The following FOCAD variants were observed in gnomAD, a reference collection of about 807,000 sequenced individuals.
FOCAD encodes the protein KIAA1797.
Under a neutral mutation model 225.6 loss-of-function variants are expected in FOCAD, and 198 were observed. That is an observed-to-expected ratio of 0.88 (90% CI 0.78 to 0.99). The LOEUF (loss-of-function observed/expected upper bound fraction) is 0.99. Among genes scored for constraint, FOCAD ranks in the 50% least tolerant of loss-of-function variants. The probability of loss-of-function intolerance (pLI) is 0.00; values close to 1 mark genes in which losing one functional copy is unlikely to be tolerated. For synonymous variants in FOCAD, 897 were observed against 755.0 expected, an observed-to-expected ratio of 1.19 and a Z score of -3.08; for missense variants, 2,713 against 2,123.6, an observed-to-expected ratio of 1.28 and a Z score of -5.46.
At chr9:20,840,968 G>T (rs543387998) in intron 15 of FOCAD, among the ~76,000 whole-genome samples, 3 of 151,886 alleles carry the variant, frequency 2.0e-5, no homozygotes, top group Non-Finnish European at 4.4e-5. Flanking sequence ...TACTTTTCCA[G>T]CATCAACTGA....
chr9:20,944,738 AG>A lies in FOCAD; in HGVS notation c.3520del (p.Asp1174MetfsTer40). 3.1e-6 allele frequency: 5 copies of A among 1,613,994 alleles called. No individual in the cohort carries two copies. The highest frequency in any genetic ancestry group is 1.3e-5 in the African/African-American group (1 of 75,070). On this transcript the variant is annotated frameshift_variant, in exon 29 of 44. Coordinates refer to ENST00000338382, the MANE Select transcript of FOCAD (RefSeq NM_001375567.1). LOFTEE classifies it high-confidence loss of function. ...TGCTCCGGAAGCTGTCTGCGCACGT[AG>A]ATGACAGCGGGAGCCAGAGCAGAAC... is the stretch of plus-strand genomic sequence containing the variant. ...ALLRKLSAHV[D>X]DSGSQSRTFQ...
intron 7 of FOCAD, among the ~76,000 whole-genome samples, chr9:20,769,718 C>G (rs766731036): frequency 6.6e-6 from 1 of 152,164 alleles, no homozygotes; most frequent in Non-Finnish European, 1.5e-5. Context: ...CTTAATTTCC[C>G]TCAACATGTT....
At chr9:20,813,117 T>C (rs571440116) in intron 11 of FOCAD, among the ~76,000 whole-genome samples, 280 of 152,270 alleles carry the variant, frequency 1.8e-3, no homozygotes, top group Non-Finnish European at 3.2e-3. Context: ...AATAATGCAG[T>C]ATTCGTCCTT....
chr9:20,690,749 A>G (rs1476897024), intron 1 of FOCAD, among the ~76,000 whole-genome samples: 1 of 151,880 alleles, frequency 6.6e-6, no homozygotes, highest in Non-Finnish European at 1.5e-5. Flanking sequence ...GGGTCTTACC[A>G]TGTTGCTCAG....
intron 7 of FOCAD, among the ~76,000 whole-genome samples, chr9:20,766,355 G>A (rs1332033169): frequency 6.6e-6 from 1 of 152,096 alleles, no homozygotes; most frequent in African/African-American, 2.4e-5. Flanking sequence ...AGCGTGTGAG[G>A]GTTGGACGTG....
At chr9:20,918,203 C>T (rs2132097262) in intron 24 of FOCAD, among the ~76,000 whole-genome samples, 1 of 152,324 alleles carries the variant, frequency 6.6e-6, no homozygotes, top group Middle Eastern at 3.4e-3. Flanking sequence ...AGTGCTCTGA[C>T]ATTTGCTGCA....
At chr9:20,714,659 C>A (rs1403970473) in intron 1 of FOCAD, among the ~76,000 whole-genome samples, 2 of 143,992 alleles carry the variant, frequency 1.4e-5, no homozygotes, top group African/African-American at 5.6e-5. Flanking sequence ...TTCCTTCCTT[C>A]CTTCCTTCCT....
chr9:20,662,007 C>T (rs1437591034), intron 2 of FOCAD, among the ~76,000 whole-genome samples: 1 of 152,122 alleles, frequency 6.6e-6, no homozygotes, highest in African/African-American at 2.4e-5. Flanking sequence ...GTAGAGTATG[C>T]ACCTTTTGTC....
In FOCAD at chr9:20,894,813, G is replaced by A. The variant is rs370437839; in HGVS notation, c.2625+9583G>A. ...TCTTGACAGTGCCTTTTGTAGATCA[G>A]AAGATTTTTATTTTAATGAAGTCCA... On this transcript the variant is annotated intron_variant, in intron 21 of 43. Coordinates refer to ENST00000338382, the MANE Select transcript of FOCAD (RefSeq NM_001375567.1). Among the ~76,000 whole-genome samples, 4 of 152,076 alleles carry A rather than the reference G, an allele frequency of 2.6e-5. No homozygotes were observed. In the East Asian group the frequency reaches 7.7e-4, roughly 29 times the overall value.
chr9:20,715,368 C>A lies in FOCAD; in HGVS notation c.15C>A (p.Ile5=). Reference sequence around the variant, plus strand: ...GAGAAGCAAAAATGTCAGATGATATCAGGAAAAGGTTTGAATTTCCAAATT... The same window carrying A: ...GAGAAGCAAAAATGTCAGATGATATAAGGAAAAGGTTTGAATTTCCAAATT... MSDD[I]RKRFEFPNSL... is the part of the protein sequence containing the mutation. Residue 5 remains isoleucine, a synonymous_variant, in exon 2 of 44, where the codon ATC becomes ATA. Transcript: ENST00000338382. 6.5e-7 allele frequency: 1 copy of A among 1,528,206 alleles called. No homozygotes were observed. The highest frequency in any genetic ancestry group is 8.8e-7 in the Non-Finnish European group (1 of 1,131,690). The allele number at this position is 1,528,206 out of a possible 1,614,324, so 94.7% of individuals were successfully genotyped here.
intron 15 of FOCAD, among the ~76,000 whole-genome samples, chr9:20,846,672 A>G (rs1467388555): frequency 6.6e-6 from 1 of 152,122 alleles, no homozygotes; most frequent in East Asian, 1.9e-4. Context: ...TGATTAATGT[A>G]GAAAGTAGAG....
rs1835375588 is a variant in FOCAD at position 20,930,615 on chromosome 9, T to G, written c.3317+1019T>G. Reference sequence around the variant, plus strand: ...ATTAAGTTCTTCACAAACACAAGTATGTGAAACTTTTATGTGAATTGCTAT... The same window carrying G: ...ATTAAGTTCTTCACAAACACAAGTAGGTGAAACTTTTATGTGAATTGCTAT... On this transcript the variant is annotated intron_variant, in intron 27 of 43. Transcript: ENST00000338382. Among the ~76,000 whole-genome samples the G allele has an allele frequency of 1.3e-5, 2 of 152,038 alleles. 1 individual carries two copies. Among genetic ancestry groups the G allele is most frequent in the Admixed American group, 1.3e-4 (2 of 15,088 alleles).
intron 7 of FOCAD, among the ~76,000 whole-genome samples, chr9:20,769,604 A>G (rs1366971113): frequency 1.3e-5 from 2 of 152,222 alleles, no homozygotes; most frequent in African/African-American, 4.8e-5. Flanking sequence ...TCTTGCAGAT[A>G]AAGGGCTTAG....
chr9:20,830,442 A>G (rs1192195783), intron 15 of FOCAD, among the ~76,000 whole-genome samples: 1 of 152,128 alleles, frequency 6.6e-6, no homozygotes, highest in Non-Finnish European at 1.5e-5. Context: ...TAATGAAAAA[A>G]AGTAGTATCA....
intron 35 of FOCAD, among the ~76,000 whole-genome samples, chr9:20,959,028 T>C (rs866480394): frequency 3.7e-4 from 57 of 152,156 alleles, no homozygotes; most frequent in African/African-American, 1.3e-3. Flanking sequence ...ATAGAATGAT[T>C]TCCTTTCCTT....
rs745921055 is a variant in FOCAD, at chr9:20,976,370, C to T, written c.4133-50C>T. 1.4e-5 allele frequency: 22 copies of T among 1,579,254 alleles called. 1 individual carries two copies. In the South Asian group the frequency reaches 2.1e-4, roughly 15 times the overall value. ...AAGGAATTGTTGGCATTTTCCACTTCCATGATAGTATGCAGGTGTTTTACT... is the reference window on the plus strand; with the variant it reads ...AAGGAATTGTTGGCATTTTCCACTTTCATGATAGTATGCAGGTGTTTTACT... On this transcript the variant is annotated intron_variant, in intron 35 of 43. Coordinates refer to ENST00000338382, the MANE Select transcript of FOCAD (RefSeq NM_001375567.1).
intron 2 of FOCAD, among the ~76,000 whole-genome samples, chr9:20,659,092 C>T (rs556014355): frequency 6.6e-6 from 1 of 152,094 alleles, no homozygotes; most frequent in African/African-American, 2.4e-5. Flanking sequence ...TGGTGGTGTG[C>T]GCCTGTAGTC....
chr9:20,838,711 A>T (rs1441294302), intron 15 of FOCAD, among the ~76,000 whole-genome samples: 11 of 152,110 alleles, frequency 7.2e-5, no homozygotes, highest in Non-Finnish European at 1.5e-5. Flanking sequence ...TAGATAGCTT[A>T]GGCTACTGAA....
chr9:20,688,223 G>T (rs185556281), intron 1 of FOCAD, among the ~76,000 whole-genome samples: 1 of 152,332 alleles, frequency 6.6e-6, no homozygotes, highest in East Asian at 1.9e-4. Context: ...TGTGAGGAAT[G>T]AATTGTAGTG....
Sources: gnomAD v4.1 joint callset for allele counts (sites outside exome capture counted in the v4.1 genomes callset) on GRCh38, gnomAD v4.1.1 for gene constraint, MANE v1.5 for transcripts, NCBI Gene and HGNC (gene_info 2026-07-23, HGNC 2026-07-21) for gene names.